Variants in AMOTL1 observed in about 807,000 individuals in gnomAD.
AMOTL1 encodes the protein angiomotin like 1.
A neutral mutation model predicts 102.9 loss-of-function variants in AMOTL1; 45 were observed. The ratio of observed to expected loss-of-function variants is 0.44; its 90% CI spans 0.34 to 0.56. The LOEUF (loss-of-function observed/expected upper bound fraction) is 0.56. Among genes scored for constraint, AMOTL1 ranks in the 20% least tolerant of loss-of-function variants. The pLI is 0.01. For synonymous variants in AMOTL1, 481 were observed against 484.7 expected, an observed-to-expected ratio of 0.99 and a Z score of 0.10; for missense variants, 1,114 against 1,225.6, an observed-to-expected ratio of 0.91 and a Z score of 1.36.
At chr11:94,728,923 G>T (rs1950302386) in exon 2 of AMOTL1, 1 of 1,198,312 alleles carries the variant, frequency 8.3e-7, no homozygotes, top group Admixed American at 2.4e-5. Flanking sequence ...TATTTCAGGA[G>T]ATTGCTTCCA....
intron 8 of AMOTL1, among the ~76,000 whole-genome samples, chr11:94,855,292 G>T (rs1450479731): frequency 6.6e-6 from 1 of 152,250 alleles, no homozygotes; most frequent in Non-Finnish European, 1.5e-5. Flanking sequence ...GTGTTAGTGA[G>T]ATTGCCCAGA....
intron 1 of AMOTL1, among the ~76,000 whole-genome samples, chr11:94,779,192 T>C (rs572774687): frequency 1.3e-5 from 2 of 152,248 alleles, no homozygotes; most frequent in South Asian, 4.2e-4. Flanking sequence ...AATAAGTCTT[T>C]AACTATTTGG....
chr11:94,785,866 G>C (rs981760982), intron 1 of AMOTL1, among the ~76,000 whole-genome samples: 5 of 152,130 alleles, frequency 3.3e-5, no homozygotes, highest in African/African-American at 1.2e-4. Context: ...TTTCTATCCT[G>C]TTTGTTTTCC....
At chr11:94,838,565 G>A (rs1486056837) in intron 6 of AMOTL1, among the ~76,000 whole-genome samples, 1 of 152,168 alleles carries the variant, frequency 6.6e-6, no homozygotes, top group Admixed American at 6.5e-5. Context: ...GCTGTGGGCT[G>A]GGTTTGGCCT....
intron 1 of AMOTL1, among the ~76,000 whole-genome samples, chr11:94,772,111 G>T (rs1266832551): frequency 1.3e-5 from 2 of 152,144 alleles, no homozygotes; most frequent in African/African-American, 4.8e-5. Flanking sequence ...CCTTCACCCA[G>T]TTTCCCCCAT....
At chr11:94,869,536 CT>C in intron 12 of AMOTL1, 63 bp downstream of exon 12, 1 of 1,490,304 alleles carries the variant, frequency 6.7e-7, no homozygotes. Flanking sequence ...CTAAGAGAAT[CT>C]TTTGTTGAGC....
Position 94,795,099 on chromosome 11 carries a change from T to G in AMOTL1, c.138T>G (p.Ser46=), listed in dbSNP as rs1284513672. Residue 46 remains serine (S), a synonymous_variant, in exon 2 of 13, where the codon TCT becomes TCG. Coordinates refer to ENST00000433060, the MANE Select transcript of AMOTL1 (RefSeq NM_130847.3). ...TYFSPDFQLY[S]GRHETSALTV... ...TTTCCCCAGACTTTCAGCTCTATTC[T>G]GGGAGGCATGAAACATCTGCTTTGA... 1.4e-5 allele frequency: 22 copies of G among 1,613,788 alleles called. No individual in the cohort carries two copies. Among genetic ancestry groups the G allele is most frequent in the Non-Finnish European group, 1.9e-5 (22 of 1,179,866 alleles).
chr11:94,842,659 T>C, intron 6 of AMOTL1, among the ~76,000 whole-genome samples: 1 of 152,330 alleles, frequency 6.6e-6, no homozygotes, highest in East Asian at 1.9e-4. Context: ...CCACAAATCT[T>C]TGTCTCTTTT....
At chr11:94,772,117 C>G (rs1431421309) in intron 1 of AMOTL1, among the ~76,000 whole-genome samples, 7 of 152,120 alleles carry the variant, frequency 4.6e-5, no homozygotes, top group Non-Finnish European at 1.0e-4. Context: ...CCCAGTTTCC[C>G]CCATTGGTAA....
intron 1 of AMOTL1, among the ~76,000 whole-genome samples, chr11:94,786,258 A>G (rs1951186922): frequency 6.6e-6 from 1 of 152,230 alleles, no homozygotes; most frequent in African/African-American, 2.4e-5. Context: ...GTTAAAGGCT[A>G]AATTTTAAAA....
At chr11:94,848,777 T>C (rs1952471963) in intron 6 of AMOTL1, among the ~76,000 whole-genome samples, 1 of 152,246 alleles carries the variant, frequency 6.6e-6, no homozygotes, top group African/African-American at 2.4e-5. Context: ...CAGTGTCATT[T>C]TAATTTCCAT....
At chr11:94,856,919 T>G (rs1172792379) in intron 8 of AMOTL1, among the ~76,000 whole-genome samples, 1 of 152,168 alleles carries the variant, frequency 6.6e-6, no homozygotes, top group East Asian at 1.9e-4. Flanking sequence ...GCCCATCTAC[T>G]TGGCCCCCTC....
intron 3 of AMOTL1, among the ~76,000 whole-genome samples, chr11:94,744,917 T>G (rs1165086840): frequency 6.6e-6 from 1 of 152,238 alleles, no homozygotes; most frequent in African/African-American, 2.4e-5. Flanking sequence ...AGATGACACC[T>G]TAGCATTGAA....
chr11:94,817,590 A>G (rs1951786972), intron 3 of AMOTL1, among the ~76,000 whole-genome samples: 1 of 152,230 alleles, frequency 6.6e-6, no homozygotes, highest in African/African-American at 2.4e-5. Context: ...TGATTCTGAT[A>G]TAAAATTGTA....
At position 94,863,746 on chromosome 11, in the gene AMOTL1, C is replaced by T. The variant is rs1952821057; in HGVS notation, c.2136-989C>T. On this transcript the variant is annotated intron_variant, in intron 9 of 12. Transcript: ENST00000433060. ...CTTGAGCTATATCACTTAGATGATG[C>T]AGTGATCTTATTTTTACTAATCATT... 2.0e-5 allele frequency among the ~76,000 whole-genome samples: 3 copies of T among 152,176 alleles called. No homozygotes were observed. In the South Asian group the frequency reaches 6.2e-4, roughly 32 times the overall value.
At position 94,825,584 on chromosome 11, in the gene AMOTL1, G is replaced by A. The variant is rs1370718304; in HGVS notation, c.1413+3763G>A. Among the ~76,000 whole-genome samples, 5 of 152,168 alleles carry A rather than the reference G, an allele frequency of 3.3e-5. No homozygotes were observed. In the South Asian group the frequency reaches 6.2e-4, roughly 19 times the overall value. ...CTAAGAGCTCCCTGACACCTAGGCCGAAAAGGAGAATGAGAGCTGGGAAGG... is the reference window on the plus strand; with the variant it reads ...CTAAGAGCTCCCTGACACCTAGGCCAAAAAGGAGAATGAGAGCTGGGAAGG... On this transcript the variant is annotated intron_variant, in intron 4 of 12. Coordinates refer to ENST00000433060, the MANE Select transcript of AMOTL1 (RefSeq NM_130847.3).
In AMOTL1 at chr11:94,846,615, A is replaced by C. The variant is rs192776869; in HGVS notation, c.1649-3499A>C. The stretch of plus-strand genomic sequence containing the variant: ...ATGTGAATGTAATTGCTATGTTTTC[A>C]GAGATATATGACCTGTGACATAACT... On this transcript the variant is annotated intron_variant, in intron 6 of 12. Coordinates refer to ENST00000433060, the MANE Select transcript of AMOTL1 (RefSeq NM_130847.3). Among the ~76,000 whole-genome samples the C allele has an allele frequency of 1.2e-4, 19 of 152,352 alleles. No homozygotes were observed. The East Asian group carries it at 3.7e-3, about 29-fold the overall frequency.
chr11:94,864,613 T>G, intron 9 of AMOTL1, 122 bp from the exon 10 acceptor site: 2 of 1,360,332 alleles, frequency 1.5e-6, no homozygotes, highest in Non-Finnish European at 2.0e-6. Flanking sequence ...CATGAGCCAA[T>G]GCGAGATGCA....
At chr11:94,864,513 A>G (rs73518595) in intron 9 of AMOTL1, among the ~76,000 whole-genome samples, 9,372 of 152,184 alleles carry the variant, frequency 0.062, 530 homozygotes, top group African/African-American at 0.14. Context: ...GCACCCTGTG[A>G]TCACCTCTCC....
Sources: gnomAD v4.1 joint callset for allele counts (sites outside exome capture counted in the v4.1 genomes callset) on GRCh38, gnomAD v4.1.1 for gene constraint, MANE v1.5 for transcripts, NCBI Gene and HGNC (gene_info 2026-07-23, HGNC 2026-07-21) for gene names.